Variants in APBB2 observed in about 807,000 individuals in gnomAD.
The protein encoded by APBB2 is amyloid beta precursor protein binding family B member 2.
Under a neutral mutation model 82.5 loss-of-function variants are expected in APBB2, and 38 were observed. The observed-to-expected ratio is 0.46, with a 90% CI of 0.36 to 0.60. The LOEUF (loss-of-function observed/expected upper bound fraction) is 0.60. APBB2 is among the 20% of genes least tolerant of loss of function. APBB2 has a pLI of 0.00. For synonymous variants in APBB2, 341 were observed against 368.2 expected (o/e 0.93, Z 0.85); for missense variants, 772 against 972.3 (o/e 0.79, Z 2.74).
At chr4:41,052,096 G>A (rs1726172708) in intron 4 of APBB2, among the ~76,000 whole-genome samples, 1 of 152,098 alleles carries the variant, frequency 6.6e-6, no homozygotes, top group Admixed American at 6.5e-5. Context: ...GGCCAGGCAT[G>A]GTAGGTCATG....
At chr4:41,006,637 T>C (rs1806827449) in intron 6 of APBB2, among the ~76,000 whole-genome samples, 1 of 152,092 alleles carries the variant, frequency 6.6e-6, no homozygotes, top group Non-Finnish European at 1.5e-5. Flanking sequence ...CTAATTGTTT[T>C]GTATTTTTAG....
At chr4:40,914,788 C>G (rs1779439483) in intron 10 of APBB2, among the ~76,000 whole-genome samples, 1 of 152,074 alleles carries the variant, frequency 6.6e-6, no homozygotes, top group South Asian at 2.1e-4. Context: ...CAGTATCTGT[C>G]CTTCTTCACA....
intron 5 of APBB2, among the ~76,000 whole-genome samples, chr4:41,029,393 C>G (rs906226181): frequency 6.6e-6 from 1 of 152,186 alleles, no homozygotes; most frequent in Non-Finnish European, 1.5e-5. Flanking sequence ...GCTTGGGTCA[C>G]CGGGCCAGGG....
chr4:41,110,970 C>T (rs1748998833), intron 2 of APBB2, among the ~76,000 whole-genome samples: 1 of 152,154 alleles, frequency 6.6e-6, no homozygotes, highest in African/African-American at 2.4e-5. Context: ...CAGTGGGAAC[C>T]CTGAGCTTGT....
chr4:40,934,565 C>G, intron 9 of APBB2, 49 bp from the exon 10 acceptor site: 1 of 1,611,484 alleles, frequency 6.2e-7, no homozygotes, highest in Non-Finnish European at 8.5e-7. Context: ...TGCAAACTAT[C>G]TGCACAAAGC....
chr4:40,816,517 T>C (rs534751894), intron 17 of APBB2, among the ~76,000 whole-genome samples: 117 of 152,332 alleles, frequency 7.7e-4, no homozygotes, highest in African/African-American at 2.7e-3. Flanking sequence ...TCTATATTGA[T>C]AGTCCGCAAC....
intron 3 of APBB2, among the ~76,000 whole-genome samples, chr4:41,088,629 A>G (rs905821572): frequency 3.3e-5 from 5 of 152,234 alleles, no homozygotes; most frequent in Non-Finnish European, 7.3e-5. Context: ...CTTAGATTCT[A>G]TATCTAGCTG....
At chr4:41,204,957 A>G (rs1156623952) in intron 1 of APBB2, among the ~76,000 whole-genome samples, 1 of 152,236 alleles carries the variant, frequency 6.6e-6, no homozygotes, top group African/African-American at 2.4e-5. Context: ...TGATGTCCAC[A>G]AAAGCTCACA....
intron 12 of APBB2, among the ~76,000 whole-genome samples, chr4:40,885,562 A>G (rs1275472846): frequency 3.3e-5 from 5 of 152,156 alleles, no homozygotes; most frequent in Admixed American, 6.5e-5. Context: ...TCGTGCCTCT[A>G]AGTCCATTCT....
At chr4:41,080,942 G>GAGTTTCAC (rs1737394260) in intron 3 of APBB2, among the ~76,000 whole-genome samples, 1 of 152,046 alleles carries the variant, frequency 6.6e-6, no homozygotes, top group Non-Finnish European at 1.5e-5. Context: ...TGTATTTTAG[G>GAGTTTCAC]AGTTTCACCA....
At chr4:41,047,559 A>T (rs753736946) in intron 4 of APBB2, among the ~76,000 whole-genome samples, 1 of 152,254 alleles carries the variant, frequency 6.6e-6, no homozygotes, top group Non-Finnish European at 1.5e-5. Flanking sequence ...CATAAATCCT[A>T]GAATGCTGGC....
At chr4:40,977,841 G>C (rs950959263) in intron 6 of APBB2, among the ~76,000 whole-genome samples, 1 of 152,170 alleles carries the variant, frequency 6.6e-6, no homozygotes, top group African/African-American at 2.4e-5. Flanking sequence ...AAGAGCCTTA[G>C]TTCTAATGGA....
intron 5 of APBB2, among the ~76,000 whole-genome samples, chr4:41,020,018 A>G (rs1425425876): frequency 1.3e-5 from 2 of 152,166 alleles, no homozygotes; most frequent in Non-Finnish European, 2.9e-5. Context: ...AGTCAAAGAG[A>G]GAAGGAAAGA....
chr4:40,924,448 T>C (rs564612871), intron 10 of APBB2, among the ~76,000 whole-genome samples: 1 of 152,258 alleles, frequency 6.6e-6, no homozygotes, highest in Admixed American at 6.5e-5. Flanking sequence ...GTCTGACAAC[T>C]CTGAACAACA....
chr4:40,820,099 G>C (rs1426848256), intron 17 of APBB2, among the ~76,000 whole-genome samples: 1 of 152,228 alleles, frequency 6.6e-6, no homozygotes, highest in South Asian at 2.1e-4. Flanking sequence ...CAGTCATGCT[G>C]AATGCCCCAG....
intron 10 of APBB2, among the ~76,000 whole-genome samples, chr4:40,910,330 T>C (rs915245202): frequency 1.3e-5 from 2 of 152,054 alleles, no homozygotes; most frequent in Non-Finnish European, 2.9e-5. Flanking sequence ...CTCAATCTTC[T>C]GGGCTCAAGT....
At chr4:41,202,791 C>T (rs2341834) in intron 1 of APBB2, among the ~76,000 whole-genome samples, 2 of 152,138 alleles carry the variant, frequency 1.3e-5, no homozygotes, top group African/African-American at 4.8e-5. Context: ...GTTTAAACTA[C>T]CTGAAGTTTC....
At chr4:40,870,201 C>T (rs1765095146) in intron 12 of APBB2, among the ~76,000 whole-genome samples, 1 of 152,096 alleles carries the variant, frequency 6.6e-6, no homozygotes, top group African/African-American at 2.4e-5. Flanking sequence ...GGAGGAAATG[C>T]TCCAGGAATC....
chr4:40,830,039 G>A (rs1217248953), intron 13 of APBB2, among the ~76,000 whole-genome samples: 1 of 152,186 alleles, frequency 6.6e-6, no homozygotes, highest in Non-Finnish European at 1.5e-5. Flanking sequence ...CCTTTTCCCA[G>A]TTTTCTGGGG....
Sources: gnomAD v4.1 joint callset for allele counts (sites outside exome capture counted in the v4.1 genomes callset) on GRCh38, gnomAD v4.1.1 for gene constraint, MANE v1.5 for transcripts, NCBI Gene and HGNC (gene_info 2026-07-23, HGNC 2026-07-21) for gene names.